The following KRT83 variants were observed in gnomAD, a reference collection of about 807,000 sequenced individuals.
KRT83 encodes the protein keratin 83, also known as keratin, type II cuticular Hb3.
Under a neutral mutation model 52.9 loss-of-function variants are expected in KRT83, and 51 were observed. The ratio of observed to expected loss-of-function variants is 0.96; its 90% CI spans 0.77 to 1.22. The LOEUF (loss-of-function observed/expected upper bound fraction) is 1.22. Ranked by LOEUF, KRT83 falls within the 50% of genes most tolerant of loss-of-function variation. The probability of loss-of-function intolerance (pLI) is 0.00; values close to 1 mark genes in which losing one functional copy is unlikely to be tolerated. For synonymous variants in KRT83, 278 were observed against 274.1 expected, an observed-to-expected ratio of 1.01 and a Z score of -0.14; for missense variants, 654 against 666.5, an observed-to-expected ratio of 0.98 and a Z score of 0.21.
At position 52,317,911 on chromosome 12, in the gene KRT83, T is replaced by C; in HGVS notation, c.653A>G (p.Lys218Arg). ...CAGGGCCAGCTGGGCTTCACTCACC[T>C]TCTTTAGAGCCACAAACTCGTTCTC... ...TAENEFVALKKDVDCAYLRKS... is the reference protein window; with the variant it reads ...TAENEFVALKRDVDCAYLRKS... The change falls in exon 3 of 9, where the codon AAG becomes AGG. Residue 218 changes from lysine (K) to arginine (R), a missense_variant and splice_region_variant. Transcript: ENST00000293670. 1 of 1,614,166 alleles carries C rather than the reference T, an allele frequency of 6.2e-7. No individual in the cohort carries two copies. Among genetic ancestry groups the C allele is most frequent in the Admixed American group, 1.7e-5 (1 of 60,020 alleles).
At position 52,314,327 on chromosome 12, in the gene KRT83, G is replaced by GT. The variant is rs1938651706; in HGVS notation, c.*303_*304insA. The GT allele has an allele frequency of 1.2e-5, 6 of 483,656 alleles. No homozygotes were observed. Among genetic ancestry groups the GT allele is most frequent in the Non-Finnish European group, 2.3e-5 (6 of 262,622 alleles). 30.0% of individuals were successfully genotyped at this position (483,656 alleles called of 1,614,324 possible). ...CAGGTCCCCAAGTTTATTGGAAAAGGGGAGACAAGAGGCCAGAGAGGCAGG... is the reference window on the plus strand; with the variant it reads ...CAGGTCCCCAAGTTTATTGGAAAAGGTGGAGACAAGAGGCCAGAGAGGCAGG... On this transcript the variant is annotated 3_prime_UTR_variant, in exon 9 of 9. Transcript: ENST00000293670.
chr12:52,315,925 G>A lies in KRT83; in HGVS notation c.1230C>T (p.Thr410=). Residue 410 remains threonine, a synonymous_variant, in exon 7 of 9, where the codon ACC becomes ACT. Coordinates refer to ENST00000293670, the MANE Select transcript of KRT83 (RefSeq NM_002282.3). ...SKLGLDIEIA[T]YRRLLEGEEQ... ...CCTCGCCCTCCAGCAGGCGCCTGTA[G>A]GTGGCGATCTCGATATCCAGGCCTA... 6.2e-7 allele frequency: 1 copy of A among 1,612,756 alleles called. No individual in the cohort carries two copies. Among genetic ancestry groups the A allele is most frequent in the South Asian group, 1.1e-5 (1 of 91,020 alleles).
In KRT83 at chr12:52,321,024, C is replaced by T. The variant is rs111267865; in HGVS notation, c.312G>A (p.Ala104=). Residue 104 remains alanine (A), a synonymous_variant, in exon 1 of 9, where the codon GCG becomes GCA. Transcript: ENST00000293670. The part of the protein sequence containing the change: ...TPLNLEIDPN[A]QCVKQEEKEQ... ...CCTTCTCCTCCTGCTTCACGCACTG[C>T]GCGTTGGGGTCTATCTCCAGGTTGA... 9.3e-4 allele frequency: 1,499 copies of T among 1,613,102 alleles called. 13 individuals carry two copies. The African/African-American group carries it at 0.017, about 18-fold the overall frequency.
rs1195935340 is a variant in KRT83, at chr12:52,314,664, A to C, written c.1449T>G (p.Cys483Trp). ...CKPCGQLNTT[C>W]GGGSCGQGRH ...TCCCCTGGCCGCAGGAGCCCCCTCC[A>C]CAGGTGGTGTTCAGCTGGCCACAGG... The change falls in exon 9 of 9, where the codon TGT (cysteine) becomes TGG (tryptophan). Residue 483 changes from cysteine to tryptophan, a missense_variant. Cys to Trp is a radical substitution (Grantham distance 215). Coordinates refer to ENST00000293670, the MANE Select transcript of KRT83 (RefSeq NM_002282.3). 1 of 1,577,318 alleles carries C rather than the reference A, an allele frequency of 6.3e-7. No homozygotes were observed. Among genetic ancestry groups the C allele is most frequent in the African/African-American group, 1.3e-5 (1 of 74,334 alleles).
At position 52,314,636 on chromosome 12, in the gene KRT83, G is replaced by A. The variant is rs2857671; in HGVS notation, c.1477C>T (p.His493Tyr). 1,051,252 of 1,562,540 alleles carry A rather than the reference G, an allele frequency of 0.67. 357,051 individuals are homozygous for A. Among genetic ancestry groups the A allele is most frequent in the African/African-American group, 0.93 (68,538 of 73,842 alleles). Reference protein sequence around the residue: ...CGGGSCGQGRH With the variant: ...CGGGSCGQGRY ...CTGGCTCTCTTTTGGGCCACTTAAT[G>A]CCTCCCCTGGCCGCAGGAGCCCCCT... The change falls in exon 9 of 9, where the codon CAT (histidine) becomes TAT (tyrosine). Residue 493 changes from histidine to tyrosine, a missense_variant. His to Tyr is a moderately conservative substitution (Grantham distance 83). Transcript: ENST00000293670.
chr12:52,320,051 G>A (rs1431531851), intron 1 of KRT83, among the ~76,000 whole-genome samples: 3 of 152,198 alleles, frequency 2.0e-5, no homozygotes, highest in Non-Finnish European at 4.4e-5. Flanking sequence ...CCCTCTCCCA[G>A]CGATGAGGTT....
At position 52,314,434 on chromosome 12, in the gene KRT83, A is replaced by C; in HGVS notation, c.*197T>G. 1 of 636,672 alleles carries C rather than the reference A, an allele frequency of 1.6e-6. No individual in the cohort carries two copies. 39.4% of individuals were successfully genotyped at this position (636,672 alleles called of 1,614,324 possible). On this transcript the variant is annotated 3_prime_UTR_variant, in exon 9 of 9. Transcript: ENST00000293670. Reference sequence around the variant, plus strand: ...GCTGAAGGCTGAGACAGGGGAAGGAATGGGTCTATTCCCCAGCCACAGGCC... The same window carrying C: ...GCTGAAGGCTGAGACAGGGGAAGGACTGGGTCTATTCCCCAGCCACAGGCC...
In KRT83 at chr12:52,317,686, C is replaced by T. The variant is rs553491257; in HGVS notation, c.745G>A (p.Glu249Lys). Residue 249 changes from glutamate to lysine, a missense_variant, in exon 4 of 9, where the codon GAG becomes AAG. By Grantham distance (56) the Glu-to-Lys change is moderately conservative. Coordinates refer to ENST00000293670, the MANE Select transcript of KRT83 (RefSeq NM_002282.3). ...CATGGTTGAGAGCCCCTCACCTCCTCGTACAGCCGCCTCAGGAAGTCAATC... is the reference window on the plus strand; with the variant it reads ...CATGGTTGAGAGCCCCTCACCTCCTTGTACAGCCGCCTCAGGAAGTCAATC... The part of the protein sequence containing the change: ...QEIDFLRRLY[E>K]EEIRILQSHI... 158 of 1,612,308 alleles carry T rather than the reference C, an allele frequency of 9.8e-5. No individual in the cohort carries two copies. The South Asian group carries it at 1.3e-3, about 13-fold the overall frequency.
At chr12:52,319,069 C>G (rs1371181205) in intron 2 of KRT83, 87 bp downstream of exon 2, 8 of 1,592,538 alleles carry the variant, frequency 5.0e-6, no homozygotes, top group Non-Finnish European at 6.9e-6. Context: ...GGCAGAGATG[C>G]CAGCTGCAGA....
chr12:52,320,131 C>T (rs551361312), intron 1 of KRT83, among the ~76,000 whole-genome samples: 2 of 152,154 alleles, frequency 1.3e-5, no homozygotes, highest in South Asian at 4.2e-4. Context: ...CTATCTTATG[C>T]TATCCTTGGT....
intron 2 of KRT83, among the ~76,000 whole-genome samples, chr12:52,318,258 CT>C (rs1315947224): frequency 6.6e-6 from 1 of 152,030 alleles, no homozygotes; most frequent in Non-Finnish European, 1.5e-5. Context: ...TCACTGCAAG[CT>C]CCGCCTCCCA....
rs765354005 is a variant in KRT83 at position 52,316,486 on chromosome 12, C to A, written c.1023G>T (p.Val341=). 6.2e-7 allele frequency: 1 copy of A among 1,614,148 alleles called. No homozygotes were observed. Among genetic ancestry groups the A allele is most frequent in the Non-Finnish European group, 8.5e-7 (1 of 1,180,026 alleles). ...NRMIQRLTAE[V]ENAKCQNSKL... ...CTGGTACCTGGCACTTGGCATTCTC[C>A]ACCTCGGCTGTCAGCCTCTGGATCA... Residue 341 remains valine, a synonymous_variant, in exon 6 of 9, where the codon GTG becomes GTT. Transcript: ENST00000293670.
intron 7 of KRT83, 68 bp from the exon 8 acceptor site, chr12:52,315,411 A>G: frequency 6.7e-7 from 1 of 1,494,680 alleles, no homozygotes. Flanking sequence ...AATTTCCGCT[A>G]GGTGCTGAAA....
intron 4 of KRT83, 33 bp downstream of exon 4, chr12:52,317,648 G>C (rs1307497169): frequency 1.2e-6 from 2 of 1,605,810 alleles, no homozygotes; most frequent in Admixed American, 1.7e-5. Context: ...CCCATGGGGG[G>C]ATCTGTGCCC....
Position 52,314,820 on chromosome 12 carries a change from TG to T in KRT83, c.1295-3del. ...CCCCACCCCGGGAGCTGCTGACACC[TG>T]TGGGAACAAGGGCAGGGTCAAGAGA... On this transcript the variant is annotated splice_region_variant and splice_polypyrimidine_tract_variant and intron_variant, in intron 8 of 8. Coordinates refer to ENST00000293670, the MANE Select transcript of KRT83 (RefSeq NM_002282.3). 2 of 1,602,090 alleles carry T rather than the reference TG, an allele frequency of 1.2e-6. No individual in the cohort carries two copies. Among genetic ancestry groups the T allele is most frequent in the Non-Finnish European group, 1.7e-6 (2 of 1,174,964 alleles).
chr12:52,318,120 C>A, intron 2 of KRT83, 150 bp from the exon 3 acceptor site: 1 of 762,580 alleles, frequency 1.3e-6, no homozygotes, highest in Non-Finnish European at 2.3e-6. Context: ...AACCAGGCTG[C>A]TGGCCTGGGT....
chr12:52,314,353 GGGAACAGTCTCACA>G lies in KRT83; in HGVS notation c.*264_*277del. ...GGAGACAAGAGGCCAGAGAGGCAGG[GGGAACAGTCTCACA>G]GTGCTTCTTCCAGGGAAGCAAGGCC... is the stretch of plus-strand genomic sequence containing the variant. On this transcript the variant is annotated 3_prime_UTR_variant, in exon 9 of 9. Coordinates refer to ENST00000293670, the MANE Select transcript of KRT83 (RefSeq NM_002282.3). The G allele has an allele frequency of 1.9e-6, 1 of 538,152 alleles. No individual in the cohort carries two copies. The highest frequency in any genetic ancestry group is 3.4e-6 in the Non-Finnish European group (1 of 296,466). 33.3% of individuals were successfully genotyped at this position (538,152 alleles called of 1,614,324 possible).
chr12:52,314,872 G>T, intron 8 of KRT83, 54 bp from the exon 9 acceptor site: 1 of 1,503,516 alleles, frequency 6.7e-7, no homozygotes, highest in South Asian at 1.2e-5. Flanking sequence ...ATCCCATCCA[G>T]CCACCTTCCT....
At chr12:52,317,858 G>A in intron 3 of KRT83, 52 bp downstream of exon 3, 5 of 1,611,468 alleles carry the variant, frequency 3.1e-6, no homozygotes, top group Middle Eastern at 1.7e-4. Flanking sequence ...AGGACAAAGA[G>A]GATGGGTGGC....
Sources: allele counts gnomAD v4.1 joint callset (sites outside exome capture counted in the v4.1 genomes callset), GRCh38; gene constraint gnomAD v4.1.1; transcripts MANE v1.5; gene names NCBI Gene and HGNC (gene_info 2026-07-23, HGNC 2026-07-21).